NCAM2: variants seen among roughly 807,000 people sequenced by gnomAD.
The protein encoded by NCAM2 is neural cell adhesion molecule 2.
In NCAM2, 30 loss-of-function variants were observed where a neutral mutation model predicts 98.1. The observed-to-expected ratio is 0.31, with a 90% CI of 0.23 to 0.41. NCAM2 has a LOEUF of 0.41. Ranked by LOEUF, NCAM2 falls within the 10% of genes least tolerant of loss-of-function variation. The pLI is 1.00. For missense variants in NCAM2, 867 were observed against 1,005.8 expected (o/e 0.86, Z 1.87); for synonymous variants, 368 against 342.4 (o/e 1.07, Z -0.83).
chr21:21,180,144 A>C (rs2068422623), intron 1 of NCAM2, among the ~76,000 whole-genome samples: 1 of 152,200 alleles, frequency 6.6e-6, no homozygotes, highest in South Asian at 2.1e-4. Context: ...ACCATCCAAC[A>C]AAGGACGTTC....
intron 9 of NCAM2, among the ~76,000 whole-genome samples, chr21:21,380,670 TCTGA>T (rs1362966727): frequency 6.6e-6 from 1 of 152,108 alleles, no homozygotes; most frequent in African/African-American, 2.4e-5. Context: ...ATCATATCAC[TCTGA>T]CTCTTTTTTC....
chr21:21,185,417 C>T (rs2068608068), intron 1 of NCAM2, among the ~76,000 whole-genome samples: 1 of 152,130 alleles, frequency 6.6e-6, no homozygotes, highest in Non-Finnish European at 1.5e-5. Flanking sequence ...CTTGTAATGA[C>T]TCCTGTCTAG....
chr21:21,475,694 T>C (rs555154976), intron 14 of NCAM2, among the ~76,000 whole-genome samples: 5 of 152,310 alleles, frequency 3.3e-5, no homozygotes, highest in Non-Finnish European at 7.4e-5. Flanking sequence ...CAGATATTCC[T>C]GAGTTTCAAA....
intron 1 of NCAM2, among the ~76,000 whole-genome samples, chr21:21,051,285 T>C (rs1480394039): frequency 2.0e-5 from 3 of 152,062 alleles, no homozygotes; most frequent in Non-Finnish European, 4.4e-5. Context: ...AAGAGTGTCA[T>C]TGGGTTTCTG....
At chr21:21,027,934 G>C (rs1281036628) in intron 1 of NCAM2, among the ~76,000 whole-genome samples, 1 of 150,628 alleles carries the variant, frequency 6.6e-6, no homozygotes, top group Admixed American at 6.6e-5. Flanking sequence ...TCGGCTCGCT[G>C]CAACCTCCGC....
intron 1 of NCAM2, among the ~76,000 whole-genome samples, chr21:21,216,046 C>A (rs2069886413): frequency 6.6e-6 from 1 of 152,074 alleles, no homozygotes; most frequent in African/African-American, 2.4e-5. Context: ...AGACCTGAGA[C>A]AATATATTTA....
intron 1 of NCAM2, among the ~76,000 whole-genome samples, chr21:21,044,977 T>C (rs2064980447): frequency 6.6e-6 from 1 of 152,090 alleles, no homozygotes; most frequent in Admixed American, 6.6e-5. Context: ...TATATATGTG[T>C]GTGAATGAAA....
At chr21:21,506,526 T>C (rs1189606002) in intron 15 of NCAM2, among the ~76,000 whole-genome samples, 1 of 152,136 alleles carries the variant, frequency 6.6e-6, no homozygotes, top group Non-Finnish European at 1.5e-5. Flanking sequence ...TTTTAATTCA[T>C]GCATAGAGAT....
intron 1 of NCAM2, among the ~76,000 whole-genome samples, chr21:21,265,233 A>T (rs1206315023): frequency 7.9e-6 from 1 of 126,644 alleles, no homozygotes; most frequent in East Asian, 2.4e-4. Flanking sequence ...TATTATATAT[A>T]TGCATGTGTA....
chr21:21,499,142 G>C (rs140663508), intron 15 of NCAM2, among the ~76,000 whole-genome samples: 4 of 152,182 alleles, frequency 2.6e-5, no homozygotes, highest in African/African-American at 7.2e-5. Context: ...TTAAAAACTT[G>C]TTGATTCTGG....
chr21:21,186,333 A>G (rs1227713305), intron 1 of NCAM2, among the ~76,000 whole-genome samples: 1 of 152,180 alleles, frequency 6.6e-6, no homozygotes, highest in African/African-American at 2.4e-5. Flanking sequence ...TGGCTATTAA[A>G]TAAATGTTTC....
chr21:21,366,393 T>A (rs1346354111), intron 8 of NCAM2, among the ~76,000 whole-genome samples: 2 of 152,090 alleles, frequency 1.3e-5, no homozygotes, highest in African/African-American at 4.8e-5. Flanking sequence ...TCACTGATTT[T>A]AACAATATTT....
chr21:21,021,304 C>A (rs1202626953), intron 1 of NCAM2, among the ~76,000 whole-genome samples: 1 of 152,106 alleles, frequency 6.6e-6, no homozygotes, highest in Non-Finnish European at 1.5e-5. Context: ...CCCCAGCATT[C>A]AAGGCCATCC....
chr21:21,486,259 G>C lies in NCAM2; in HGVS notation c.2077+8788G>C, dbSNP rs544869102. ...GCGGAGCTTGCAGTGAGCCGAGATCGCGCCACTGCACTCCAGCCTGGGCAA... is the reference window on the plus strand; with the variant it reads ...GCGGAGCTTGCAGTGAGCCGAGATCCCGCCACTGCACTCCAGCCTGGGCAA... On this transcript the variant is annotated intron_variant, in intron 15 of 17. Coordinates refer to ENST00000400546, the MANE Select transcript of NCAM2 (RefSeq NM_004540.5). Among the ~76,000 whole-genome samples, 5 of 132,930 alleles carry C rather than the reference G, an allele frequency of 3.8e-5. No homozygotes were observed. In the East Asian group the frequency reaches 6.6e-4, roughly 17 times the overall value. 87.2% of individuals were successfully genotyped at this position (132,930 alleles called of 152,430 possible).
Position 21,477,272 on chromosome 21 carries a change from A to G in NCAM2, c.1897-19A>G. 2 of 1,557,460 alleles carry G rather than the reference A, an allele frequency of 1.3e-6. No individual in the cohort carries two copies. The highest frequency in any genetic ancestry group is 1.2e-5 in the South Asian group (1 of 82,182). On this transcript the variant is annotated intron_variant, in intron 14 of 17. Transcript: ENST00000400546. ...TAGTGTATGGATATTTACAAACTGC[A>G]TTTTTATTGCTTTCACAGAAAGATA...
At chr21:21,324,521 C>T in intron 6 of NCAM2, 21 bp downstream of exon 6, 1 of 1,490,560 alleles carries the variant, frequency 6.7e-7, no homozygotes, top group Non-Finnish European at 9.3e-7. Flanking sequence ...CACCCCCCTC[C>T]CTCTGGCTTG....
chr21:21,129,808 G>A (rs2066899071), intron 1 of NCAM2, among the ~76,000 whole-genome samples: 1 of 152,140 alleles, frequency 6.6e-6, no homozygotes, highest in Non-Finnish European at 1.5e-5. Flanking sequence ...CTTAAGTATG[G>A]TAAATTCATT....
chr21:21,157,349 C>T (rs936627003), intron 1 of NCAM2, among the ~76,000 whole-genome samples: 17 of 151,974 alleles, frequency 1.1e-4, no homozygotes, highest in African/African-American at 4.1e-4. Context: ...CTGCACATGG[C>T]GTTATAGTCT....
At chr21:21,413,067 C>A (rs544991196) in intron 10 of NCAM2, among the ~76,000 whole-genome samples, 16 of 151,924 alleles carry the variant, frequency 1.1e-4, no homozygotes, top group African/African-American at 3.6e-4. Flanking sequence ...AAAACATAAC[C>A]AAATATTCAA....
Sources: allele counts gnomAD v4.1 joint callset (sites outside exome capture counted in the v4.1 genomes callset), GRCh38; gene constraint gnomAD v4.1.1; transcripts MANE v1.5; gene names NCBI Gene and HGNC (gene_info 2026-07-23, HGNC 2026-07-21).